INTS7: variants seen among roughly 807,000 people sequenced by gnomAD.
INTS7 encodes the protein chromosome 1 open reading frame 73.
A neutral mutation model predicts 109.2 loss-of-function variants in INTS7; 46 were observed. The ratio of observed to expected loss-of-function variants is 0.42; its 90% CI spans 0.33 to 0.54. The LOEUF (loss-of-function observed/expected upper bound fraction) is 0.54, where lower values mean the gene tolerates loss of function less well. Ranked by LOEUF, INTS7 falls within the 20% of genes least tolerant of loss-of-function variation. The probability of loss-of-function intolerance (pLI) is 0.07; values close to 1 mark genes in which losing one functional copy is unlikely to be tolerated. For missense variants in INTS7, 929 were observed against 1,132.4 expected, an observed-to-expected ratio of 0.82 and a Z score of 2.58; for synonymous variants, 412 against 402.9, an observed-to-expected ratio of 1.02 and a Z score of -0.27.
chr1:211,946,356 GC>G lies in INTS7; in HGVS notation c.2415+250del, dbSNP rs1662846093. On this transcript the variant is annotated intron_variant, in intron 18 of 19. Coordinates refer to ENST00000366994, the MANE Select transcript of INTS7 (RefSeq NM_015434.4). This position sits in a 1 kb window ranked among gnomAD's most constrained non-coding sequence, Gnocchi z 4.3. ...AAATCAGCTGCGTGAGGTGGTGGAT[GC>G]CTGTAATCCCAGTTCCTTGGGAGGC... 1.3e-5 allele frequency among the ~76,000 whole-genome samples: 2 copies of G among 152,216 alleles called. No individual in the cohort carries two copies. Among genetic ancestry groups the G allele is most frequent in the Admixed American group, 1.3e-4 (2 of 15,282 alleles).
chr1:212,032,535 G>T (rs1005072215), intron 1 of INTS7, among the ~76,000 whole-genome samples: 1 of 151,504 alleles, frequency 6.6e-6, no homozygotes, highest in African/African-American at 2.4e-5. Context: ...GGAGTGCAGT[G>T]GTGTGATCTC....
chr1:212,034,815 C>CGGCA (rs1381360647), intron 1 of INTS7, among the ~76,000 whole-genome samples: 1 of 152,172 alleles, frequency 6.6e-6, no homozygotes, highest in African/African-American at 2.4e-5. Context: ...GCTCCCTGTA[C>CGGCA]GGCAACAGAA....
chr1:211,955,590 C>T (rs993698192), intron 16 of INTS7, among the ~76,000 whole-genome samples: 1 of 152,036 alleles, frequency 6.6e-6, no homozygotes, highest in African/African-American at 2.4e-5. Context: ...TCTAACTAAA[C>T]TTTTGAAAAT....
rs553075923 is a variant in INTS7 at position 211,940,962 on chromosome 1, A to C, written c.*862T>G. The stretch of plus-strand genomic sequence containing the variant: ...CTGCTCTTTGTTTCAATTAAATATG[A>C]AAATAATAAAGACTGCTTTAGCACA... On this transcript the variant is annotated 3_prime_UTR_variant, in exon 20 of 20. Coordinates refer to ENST00000366994, the MANE Select transcript of INTS7 (RefSeq NM_015434.4). 1.1e-4 allele frequency: 16 copies of C among 152,380 alleles called. 1 individual carries two copies. The highest frequency in any genetic ancestry group is 1.0e-3 in the Admixed American group (16 of 15,312). The allele number at this position is 152,380 out of a possible 1,614,324, so 9.4% of individuals were successfully genotyped here.
At chr1:211,953,850 G>A (rs371894216) in intron 16 of INTS7, among the ~76,000 whole-genome samples, 38 of 151,702 alleles carry the variant, frequency 2.5e-4, no homozygotes, top group African/African-American at 4.1e-4. Context: ...GAATAGTGCC[G>A]CAATAAACAT....
intron 7 of INTS7, among the ~76,000 whole-genome samples, chr1:211,998,989 G>T (rs1364904709): frequency 6.6e-6 from 1 of 152,166 alleles, no homozygotes; most frequent in Non-Finnish European, 1.5e-5. Context: ...ACAACACAAA[G>T]TGCTGGCAAG....
chr1:211,996,898 C>T (rs1001273688), intron 7 of INTS7, among the ~76,000 whole-genome samples: 1 of 152,006 alleles, frequency 6.6e-6, no homozygotes, highest in African/African-American at 2.4e-5. Flanking sequence ...TTGGTGTGCA[C>T]CTGTGGTTTC....
intron 16 of INTS7, among the ~76,000 whole-genome samples, chr1:211,961,792 T>A (rs1333207494): frequency 6.6e-6 from 1 of 152,144 alleles, no homozygotes; most frequent in East Asian, 1.9e-4. Flanking sequence ...CTAAGCTTCA[T>A]GAGTGACAGA....
At chr1:211,949,288 T>G (rs1259977916) in intron 17 of INTS7, among the ~76,000 whole-genome samples, 1 of 152,208 alleles carries the variant, frequency 6.6e-6, no homozygotes, top group Non-Finnish European at 1.5e-5. Context: ...GCAGATGACC[T>G]TATATGCATC....
At chr1:211,989,300 AT>A (rs1175761962) in intron 7 of INTS7, among the ~76,000 whole-genome samples, 1 of 152,110 alleles carries the variant, frequency 6.6e-6, no homozygotes, top group African/African-American at 2.4e-5. Flanking sequence ...TGATAATGGC[AT>A]TTTAAATTAA....
chr1:212,014,292 C>T (rs1463232975), intron 4 of INTS7, among the ~76,000 whole-genome samples: 5 of 151,796 alleles, frequency 3.3e-5, no homozygotes, highest in African/African-American at 4.8e-5. Context: ...TGCTGAAACC[C>T]CATCTTTACT....
At chr1:212,022,530 C>T (rs998301889) in intron 1 of INTS7, among the ~76,000 whole-genome samples, 3 of 152,166 alleles carry the variant, frequency 2.0e-5, no homozygotes, top group Non-Finnish European at 4.4e-5. Context: ...AATATAAGCA[C>T]ATGAACAGAT....
In INTS7 at chr1:212,006,768, A is replaced by G. The variant is rs758088641; in HGVS notation, c.757-7T>C. On this transcript the variant is annotated splice_region_variant and splice_polypyrimidine_tract_variant and intron_variant, in intron 6 of 19. Transcript: ENST00000366994. ...ACTGCAACAGAAGCTGAATCTATAA[A>G]GGAAATAAGTCACTCCATAAACAAT... 10 of 1,598,214 alleles carry G rather than the reference A, an allele frequency of 6.3e-6. No homozygotes were observed. The highest frequency in any genetic ancestry group is 1.7e-5 in the Admixed American group (1 of 58,688).
chr1:211,971,974 A>G (rs1664200702), intron 13 of INTS7, among the ~76,000 whole-genome samples: 1 of 151,782 alleles, frequency 6.6e-6, no homozygotes, highest in Admixed American at 6.6e-5. Context: ...AATTATAAAG[A>G]AAGGCAATGG....
intron 16 of INTS7, among the ~76,000 whole-genome samples, chr1:211,957,236 C>T (rs947670698): frequency 1.3e-4 from 20 of 152,256 alleles, no homozygotes; most frequent in African/African-American, 4.6e-4. Context: ...GTCCAAAACT[C>T]TTACCAGTTT....
At chr1:212,014,825 G>A (rs1341057792) in intron 4 of INTS7, among the ~76,000 whole-genome samples, 1 of 152,322 alleles carries the variant, frequency 6.6e-6, no homozygotes, top group South Asian at 2.1e-4. Context: ...GATTGCAGAC[G>A]GAGTCTCGCT....
intron 7 of INTS7, among the ~76,000 whole-genome samples, chr1:211,993,098 G>C (rs1021047374): frequency 7.9e-5 from 12 of 152,214 alleles, no homozygotes; most frequent in African/African-American, 2.9e-4. Context: ...GTAAAAAGGA[G>C]TTTATAATCT....
intron 2 of INTS7, chr1:212,020,726 T>C (rs1666653672): frequency 9.8e-7 from 1 of 1,015,810 alleles, no homozygotes; most frequent in Non-Finnish European, 1.2e-6. Flanking sequence ...CTTACATGTT[T>C]CAGGTACTTC....
intron 1 of INTS7, among the ~76,000 whole-genome samples, chr1:212,023,149 A>G (rs1287858332): frequency 6.6e-6 from 1 of 152,274 alleles, no homozygotes; most frequent in East Asian, 1.9e-4. Flanking sequence ...TATCCAATCC[A>G]TGACTGACAG....
Sources: gnomAD v4.1 joint callset for allele counts (sites outside exome capture counted in the v4.1 genomes callset) on GRCh38, gnomAD v4.1.1 for gene constraint, Gnocchi (gnomAD v3.1) non-coding constraint, MANE v1.5 for transcripts, NCBI Gene and HGNC (gene_info 2026-07-23, HGNC 2026-07-21) for gene names.